The following ANKRD12 variants were observed in gnomAD, a reference collection of about 807,000 sequenced individuals.
The protein encoded by ANKRD12 is ankyrin repeat domain 12.
In ANKRD12, 85 loss-of-function variants were observed where a neutral mutation model predicts 183.4. The ratio of observed to expected loss-of-function variants is 0.46; its 90% CI spans 0.39 to 0.56. The LOEUF (loss-of-function observed/expected upper bound fraction) is 0.56, where lower values mean the gene tolerates loss of function less well. ANKRD12 is among the 20% of genes least tolerant of loss of function. The pLI, the probability that ANKRD12 is intolerant of heterozygous loss-of-function variation, is 0.00. For synonymous variants in ANKRD12, 914 were observed against 800.2 expected (o/e 1.14, Z -2.40); for missense variants, 2,405 against 2,357.1 (o/e 1.02, Z -0.42).
chr18:9,149,794 T>TTTA (rs1568221242), intron 1 of ANKRD12, among the ~76,000 whole-genome samples: 92 of 25,420 alleles, frequency 3.6e-3, no homozygotes, highest in African/African-American at 8.0e-3. Flanking sequence ...ATTTATTAAA[T>TTTA]TTTATTTTTT....
chr18:9,180,983 G>C (rs770616203), intron 1 of ANKRD12, among the ~76,000 whole-genome samples: 1 of 152,042 alleles, frequency 6.6e-6, no homozygotes, highest in Non-Finnish European at 1.5e-5. Flanking sequence ...TTTTTATGTG[G>C]CTCATAACTT....
intron 4 of ANKRD12, among the ~76,000 whole-genome samples, chr18:9,208,253 T>C (rs775742320): frequency 2.6e-5 from 4 of 152,194 alleles, no homozygotes; most frequent in Non-Finnish European, 5.9e-5. Flanking sequence ...GGAAGTAATT[T>C]GAAGGAGCAT....
intron 8 of ANKRD12, among the ~76,000 whole-genome samples, chr18:9,235,165 C>T (rs1329530977): frequency 6.6e-6 from 1 of 152,120 alleles, no homozygotes; most frequent in African/African-American, 2.4e-5. Flanking sequence ...AAAATTAATT[C>T]ATCATCATAA....
At chr18:9,211,039 T>C (rs1434178423) in intron 5 of ANKRD12, among the ~76,000 whole-genome samples, 9 of 152,164 alleles carry the variant, frequency 5.9e-5, no homozygotes, top group African/African-American at 2.2e-4. Flanking sequence ...AGAACAAATA[T>C]CAAAATATGA....
chr18:9,191,129 C>CGGG (rs1808257865), intron 2 of ANKRD12, among the ~76,000 whole-genome samples: 1 of 152,046 alleles, frequency 6.6e-6, no homozygotes. Context: ...TTCATTATTA[C>CGGG]GTGTGATGGC....
intron 1 of ANKRD12, chr18:9,137,480 C>T (rs944436886): frequency 6.8e-5 from 10 of 146,184 alleles, no homozygotes; most frequent in Non-Finnish European, 1.5e-4. Context: ...GCGGTCGGAC[C>T]CGCGGGGGCG....
intron 1 of ANKRD12, among the ~76,000 whole-genome samples, chr18:9,154,941 G>GAGA (rs1023869984): frequency 6.6e-6 from 1 of 152,174 alleles, no homozygotes; most frequent in Non-Finnish European, 1.5e-5. Flanking sequence ...TGGAGTTTTA[G>GAGA]AGAAGGTCTA....
chr18:9,221,947 G>A lies in ANKRD12; in HGVS notation c.891G>A (p.Glu297=), dbSNP rs764377727. The A allele has an allele frequency of 1.2e-6, 2 of 1,613,990 alleles. No homozygotes were observed. The highest frequency in any genetic ancestry group is 1.7e-6 in the Non-Finnish European group (2 of 1,179,904). Residue 297 remains glutamate (E), a synonymous_variant, in exon 8 of 13, where the codon GAG becomes GAA. Coordinates refer to ENST00000262126, the MANE Select transcript of ANKRD12 (RefSeq NM_015208.5). ...PVDVAETEEL[E]LLLKREVPLS... is the part of the protein sequence containing the mutation. Reference sequence around the variant, plus strand: ...ATGTAGCAGAAACAGAGGAGTTGGAGTTGCTACTAAAAAGAGAGGTGCCTT... The same window carrying A: ...ATGTAGCAGAAACAGAGGAGTTGGAATTGCTACTAAAAAGAGAGGTGCCTT...
At chr18:9,267,760 A>G (rs2145365145) in intron 10 of ANKRD12, among the ~76,000 whole-genome samples, 1 of 152,312 alleles carries the variant, frequency 6.6e-6, no homozygotes, top group East Asian at 1.9e-4. Flanking sequence ...AAGGCAAGAA[A>G]TAACTAAGAT....
At chr18:9,234,355 C>T (rs557405819) in intron 8 of ANKRD12, among the ~76,000 whole-genome samples, 1 of 152,142 alleles carries the variant, frequency 6.6e-6, no homozygotes, top group Non-Finnish European at 1.5e-5. Flanking sequence ...CGGGGGATCT[C>T]TCTCTCACAA....
intron 10 of ANKRD12, among the ~76,000 whole-genome samples, chr18:9,267,794 A>G (rs1334107351): frequency 1.2e-4 from 18 of 150,388 alleles, no homozygotes; most frequent in African/African-American, 1.7e-4. Flanking sequence ...AAGGAAATAG[A>G]GACACAAAAA....
chr18:9,282,331 A>G lies in ANKRD12; in HGVS notation c.*1205A>G, dbSNP rs992817029. On this transcript the variant is annotated 3_prime_UTR_variant, in exon 13 of 13. Transcript: ENST00000262126. Reference sequence around the variant, plus strand: ...AAGAAATATAGGAATATTCCAGTCAATCTCTGAAATGTTTATGAAAAACAG... The same window carrying G: ...AAGAAATATAGGAATATTCCAGTCAGTCTCTGAAATGTTTATGAAAAACAG... 4 of 152,558 alleles carry G rather than the reference A, an allele frequency of 2.6e-5. No homozygotes were observed. Among genetic ancestry groups the G allele is most frequent in the African/African-American group, 9.6e-5 (4 of 41,456 alleles). The allele number at this position is 152,558 out of a possible 1,614,324, so 9.5% of individuals were successfully genotyped here. A position where few individuals can be genotyped will look rare whatever the true frequency, so the allele number is the denominator to read the frequency against.
At chr18:9,252,071 A>AT (rs1033159268) in intron 8 of ANKRD12, among the ~76,000 whole-genome samples, 29 of 152,246 alleles carry the variant, frequency 1.9e-4, no homozygotes, top group Middle Eastern at 3.4e-3. Flanking sequence ...AAACATGGCC[A>AT]TTTTTTACTT....
At chr18:9,193,025 C>G (rs953671864) in intron 2 of ANKRD12, among the ~76,000 whole-genome samples, 29 of 152,094 alleles carry the variant, frequency 1.9e-4, no homozygotes, top group African/African-American at 6.7e-4. Context: ...TTCTGGTTTT[C>G]CCTTCCTGTC....
At chr18:9,152,623 T>C (rs2078719421) in intron 1 of ANKRD12, among the ~76,000 whole-genome samples, 1 of 152,106 alleles carries the variant, frequency 6.6e-6, no homozygotes, top group East Asian at 1.9e-4. Flanking sequence ...AATATATATA[T>C]ATTGGAAGTT....
chr18:9,210,760 C>CTT (rs527425965), intron 5 of ANKRD12, among the ~76,000 whole-genome samples: 3 of 102,498 alleles, frequency 2.9e-5, no homozygotes, highest in South Asian at 3.3e-4. Context: ...GAACCTTACA[C>CTT]TTTTTTTTTT....
At chr18:9,275,488 A>C (rs1177063645) in intron 10 of ANKRD12, 36 bp from the exon 11 acceptor site, 2 of 1,588,962 alleles carry the variant, frequency 1.3e-6, no homozygotes, top group South Asian at 1.1e-5. Flanking sequence ...AAATTTGTTG[A>C]AGAATTTATT....
chr18:9,162,809 T>G (rs570118720), intron 1 of ANKRD12, among the ~76,000 whole-genome samples: 2 of 31,858 alleles, frequency 6.3e-5, no homozygotes, highest in Admixed American at 4.3e-4. Flanking sequence ...TGATATTGAG[T>G]TTTTTTTCAT....
intron 8 of ANKRD12, among the ~76,000 whole-genome samples, chr18:9,229,952 G>A (rs1441724773): frequency 6.6e-6 from 1 of 152,094 alleles, no homozygotes; most frequent in East Asian, 1.9e-4. Flanking sequence ...TCCTTCTCTG[G>A]TTGTGGAATC....
Sources: gnomAD v4.1 joint callset for allele counts (sites outside exome capture counted in the v4.1 genomes callset) on GRCh38, gnomAD v4.1.1 for gene constraint, MANE v1.5 for transcripts, NCBI Gene and HGNC (gene_info 2026-07-23, HGNC 2026-07-21) for gene names.